The following FAM78B variants were observed in gnomAD, a reference collection of about 807,000 sequenced individuals.
The protein encoded by FAM78B is protein FAM78B.
A neutral mutation model predicts 20.0 loss-of-function variants in FAM78B; 10 were observed. The ratio of observed to expected loss-of-function variants is 0.50; its 90% CI spans 0.31 to 0.85. The LOEUF (loss-of-function observed/expected upper bound fraction) is 0.85, where lower values mean the gene tolerates loss of function less well. FAM78B is among the 40% of genes least tolerant of loss of function. The pLI is 0.05. For synonymous variants in FAM78B, 135 were observed against 132.8 expected (o/e 1.02, Z -0.12); for missense variants, 283 against 345.0 (o/e 0.82, Z 1.42).
chr1:166,106,198 G>A (rs1429986950), intron 1 of FAM78B, among the ~76,000 whole-genome samples: 1 of 119,068 alleles, frequency 8.4e-6, no homozygotes, highest in Non-Finnish European at 1.6e-5. Flanking sequence ...GCACACCGGG[G>A]CCTGTTGTGG....
chr1:166,132,338 C>G (rs1382753877), intron 1 of FAM78B, among the ~76,000 whole-genome samples: 2 of 152,120 alleles, frequency 1.3e-5, no homozygotes, highest in African/African-American at 4.8e-5. Flanking sequence ...CTGGACTTGA[C>G]TAGCAAAATC....
At chr1:166,066,646 A>ATTAC (rs1459068901), downstream of FAM78B, among the ~76,000 whole-genome samples, 1 of 152,252 alleles carries the variant, frequency 6.6e-6, no homozygotes, top group Non-Finnish European at 1.5e-5. Flanking sequence ...TACACTCGTA[A>ATTAC]GACTGGGGAT....
At chr1:166,117,660 G>A (rs961109401) in intron 1 of FAM78B, among the ~76,000 whole-genome samples, 3 of 152,186 alleles carry the variant, frequency 2.0e-5, no homozygotes, top group African/African-American at 7.2e-5. Flanking sequence ...AGACCTATGG[G>A]TTTTATAGGT....
At chr1:166,135,428 T>C (rs61835124) in intron 1 of FAM78B, among the ~76,000 whole-genome samples, 10,773 of 152,282 alleles carry the variant, frequency 0.071, 459 homozygotes, top group South Asian at 0.14. Flanking sequence ...GGAAGCATCA[T>C]CCTGATGATG....
At position 166,166,281 on chromosome 1, in the gene FAM78B, G is replaced by A. The variant is rs748986422; in HGVS notation, c.-33C>T. On this transcript the variant is annotated 5_prime_UTR_variant, in exon 1 of 2. Coordinates refer to ENST00000354422, the MANE Select transcript of FAM78B (RefSeq NM_001017961.5). ...CCCGGTGCCGGCACGGCGCGGCGTG[G>A]GGCAGCGCGGGGGCCCGCGCGGGCA... 3.3e-6 allele frequency: 4 copies of A among 1,230,560 alleles called. No homozygotes were observed. In the African/African-American group the frequency reaches 6.3e-5, roughly 19 times the overall value. The allele number at this position is 1,230,560 out of a possible 1,614,324, so 76.2% of individuals were successfully genotyped here.
At chr1:166,097,572 T>A (rs1055009182) in intron 1 of FAM78B, among the ~76,000 whole-genome samples, 4 of 152,112 alleles carry the variant, frequency 2.6e-5, no homozygotes, top group African/African-American at 9.7e-5. Context: ...ACCAGCCCTT[T>A]GGGTTGCGTG....
chr1:166,165,589 A>G (rs1023085603), intron 1 of FAM78B, among the ~76,000 whole-genome samples: 3 of 151,710 alleles, frequency 2.0e-5, no homozygotes, highest in South Asian at 4.2e-4. Flanking sequence ...CGCCCCCGGC[A>G]CTCCACTCCA....
chr1:166,076,253 C>T (rs545768096), intron 1 of FAM78B, among the ~76,000 whole-genome samples: 2 of 152,316 alleles, frequency 1.3e-5, no homozygotes, highest in East Asian at 3.9e-4. Context: ...TGTGGCCCTA[C>T]ATGATCCGGT....
intron 1 of FAM78B, among the ~76,000 whole-genome samples, chr1:166,115,212 G>A (rs534528211): frequency 2.0e-5 from 3 of 152,342 alleles, no homozygotes; most frequent in South Asian, 2.1e-4. Context: ...ACTGGCCGGA[G>A]AAAGAGACGA....
At position 166,166,409 on chromosome 1, in the gene FAM78B, C is replaced by CTT. The variant is rs1656388070; in HGVS notation, c.-162_-161insAA. 1 of 532,292 alleles carries CTT rather than the reference C, an allele frequency of 1.9e-6. No individual in the cohort carries two copies. Among genetic ancestry groups the CTT allele is most frequent in the East Asian group, 1.3e-4 (1 of 7,692 alleles). 33.0% of individuals were successfully genotyped at this position (532,292 alleles called of 1,614,324 possible). ...GAGCCGCCGGGCATCCTTGGGGAAG[C>CTT]CCCCTCCTCTTGCAGCCGCGCGGGG... On this transcript the variant is annotated 5_prime_UTR_variant, in exon 1 of 2. An upstream open reading frame in the 5' UTR gains an earlier in-frame stop. Coordinates refer to ENST00000354422, the MANE Select transcript of FAM78B (RefSeq NM_001017961.5).
chr1:166,079,955 G>C (rs1447219583), intron 1 of FAM78B, among the ~76,000 whole-genome samples: 2 of 152,138 alleles, frequency 1.3e-5, no homozygotes, highest in Non-Finnish European at 2.9e-5. Context: ...ACTGCTGCTT[G>C]TTTAGTCTTA....
intron 1 of FAM78B, among the ~76,000 whole-genome samples, chr1:166,127,234 C>T (rs1654677052): frequency 1.3e-5 from 2 of 152,190 alleles, no homozygotes; most frequent in Non-Finnish European, 2.9e-5. Context: ...CCTACCACTT[C>T]CCCAGCTTTT....
At chr1:166,076,474 A>G (rs191544071) in intron 1 of FAM78B, among the ~76,000 whole-genome samples, 23 of 152,148 alleles carry the variant, frequency 1.5e-4, no homozygotes, top group Admixed American at 1.1e-3. Flanking sequence ...TCTCACTGCA[A>G]TCTTTCCTAA....
At chr1:166,144,275 A>C (rs1044195774) in intron 1 of FAM78B, among the ~76,000 whole-genome samples, 4 of 152,028 alleles carry the variant, frequency 2.6e-5, no homozygotes, top group African/African-American at 9.7e-5. Context: ...GCTGTGAGTA[A>C]GGCTGGGGAG....
exon 3 of FAM78B, chr1:166,059,449 G>T (rs1045040289): frequency 6.6e-6 from 1 of 152,180 alleles, no homozygotes; most frequent in Non-Finnish European, 1.5e-5. Flanking sequence ...AAAAAACTCC[G>T]ATGCCCAGGA....
intron 1 of FAM78B, among the ~76,000 whole-genome samples, chr1:166,160,267 T>A (rs1247802650): frequency 6.6e-6 from 1 of 152,196 alleles, no homozygotes; most frequent in African/African-American, 2.4e-5. Context: ...GAGCTCTAGC[T>A]TGGGGGACAT....
intron 1 of FAM78B, among the ~76,000 whole-genome samples, chr1:166,096,300 G>C (rs1653273267): frequency 6.6e-6 from 1 of 152,156 alleles, no homozygotes; most frequent in Non-Finnish European, 1.5e-5. Flanking sequence ...GGGCAGGCTG[G>C]TCACTGGTCA....
exon 3 of FAM78B, chr1:166,058,847 G>A (rs1161527286): frequency 2.0e-5 from 3 of 152,432 alleles, no homozygotes; most frequent in Admixed American, 6.5e-5. Context: ...AGCCATCTAG[G>A]ATTTGAATGC....
intron 1 of FAM78B, among the ~76,000 whole-genome samples, chr1:166,144,181 G>C (rs1350492873): frequency 2.0e-5 from 3 of 152,100 alleles, no homozygotes; most frequent in Non-Finnish European, 4.4e-5. Flanking sequence ...GGAGATGAAC[G>C]CCAAACTCTA....
Sources: allele counts gnomAD v4.1 joint callset (sites outside exome capture counted in the v4.1 genomes callset), GRCh38; gene constraint gnomAD v4.1.1; transcripts MANE v1.5; gene names NCBI Gene and HGNC (gene_info 2026-07-23, HGNC 2026-07-21).